The following DOCK8 variants were observed in gnomAD, a reference collection of about 807,000 sequenced individuals.
DOCK8 encodes dedicator of cytokinesis 8, also known as dedicator of cytokinesis protein 8.
DOCK8 carries 141 observed loss-of-function variants against 245.6 expected under a neutral mutation model. That is an observed-to-expected ratio of 0.57 (90% CI 0.50 to 0.66). The LOEUF (loss-of-function observed/expected upper bound fraction) is 0.66. DOCK8 is among the 30% of genes least tolerant of loss of function. The pLI is 0.00. For synonymous variants in DOCK8, 1,168 were observed against 970.2 expected, an observed-to-expected ratio of 1.20 and a Z score of -3.79; for missense variants, 2,965 against 2,603.4, an observed-to-expected ratio of 1.14 and a Z score of -3.02.
At chr9:221,047 A>G (rs778595013) in intron 1 of DOCK8, among the ~76,000 whole-genome samples, 1 of 152,142 alleles carries the variant, frequency 6.6e-6, no homozygotes. Flanking sequence ...TTGGCACAGT[A>G]GTGGTACCAT....
chr9:451,982 T>A (rs1186615073), intron 45 of DOCK8, 29 bp from the exon 46 acceptor site: 17 of 110,144 alleles, frequency 1.5e-4, no homozygotes, highest in African/African-American at 5.7e-4. Context: ...TATATATTTT[T>A]TTTTTTTTTT....
chr9:344,441 C>A (rs544187099), intron 14 of DOCK8, among the ~76,000 whole-genome samples: 1 of 152,194 alleles, frequency 6.6e-6, no homozygotes, highest in East Asian at 1.9e-4. Flanking sequence ...GTTACCCAGT[C>A]CCAGATGAGT....
At chr9:409,237 G>T (rs1292251119) in intron 28 of DOCK8, among the ~76,000 whole-genome samples, 1 of 152,156 alleles carries the variant, frequency 6.6e-6, no homozygotes, top group Non-Finnish European at 1.5e-5. Context: ...TTTCCACTGG[G>T]TTTCCCTTGG....
chr9:308,289 G>A (rs2049938572), intron 5 of DOCK8, among the ~76,000 whole-genome samples: 1 of 152,168 alleles, frequency 6.6e-6, no homozygotes, highest in African/African-American at 2.4e-5. Context: ...ATTGTACACA[G>A]GTATTGAGAT....
At chr9:296,021 T>G (rs1586626391) in intron 4 of DOCK8, among the ~76,000 whole-genome samples, 1 of 152,368 alleles carries the variant, frequency 6.6e-6, no homozygotes, top group African/African-American at 2.4e-5. Flanking sequence ...TGTATTTTCT[T>G]ACTTGAAATG....
chr9:397,604 C>T (rs2054524693), intron 25 of DOCK8, among the ~76,000 whole-genome samples: 2 of 145,100 alleles, frequency 1.4e-5, no homozygotes, highest in Non-Finnish European at 3.0e-5. Context: ...GTGGAAGAAT[C>T]GCTTGAGCCC....
At chr9:396,565 G>C (rs936351158) in intron 24 of DOCK8, among the ~76,000 whole-genome samples, 32 of 152,212 alleles carry the variant, frequency 2.1e-4, no homozygotes, top group Middle Eastern at 3.4e-3. Flanking sequence ...CTCTGACTTG[G>C]GGTCAAAAAG....
At chr9:214,589 C>T (rs1366825238), upstream of DOCK8, 31 of 1,614,064 alleles carry the variant, frequency 1.9e-5, no homozygotes, top group Non-Finnish European at 2.6e-5. Context: ...GGCAGCCTCG[C>T]AGCTTCGGGC....
At position 422,094 on chromosome 9, in the gene DOCK8, A is replaced by G; in HGVS notation, c.4200A>G (p.Lys1400=). 1 of 1,614,164 alleles carries G rather than the reference A, an allele frequency of 6.2e-7. No individual in the cohort carries two copies. Among genetic ancestry groups the G allele is most frequent in the Non-Finnish European group, 8.5e-7 (1 of 1,180,034 alleles). ...TAAATGAAAATTTGAGATGGAAGAA[A>G]GAGCAGACACATTGGCGGCAAGCTA... ...PGLNENLRWK[K]EQTHWRQANE... Residue 1400 remains lysine, a synonymous_variant, in exon 33 of 48, where the codon AAA becomes AAG. Coordinates refer to ENST00000432829, the MANE Select transcript of DOCK8 (RefSeq NM_203447.4).
At chr9:414,168 A>T (rs2055883487) in intron 28 of DOCK8, among the ~76,000 whole-genome samples, 1 of 152,182 alleles carries the variant, frequency 6.6e-6, no homozygotes, top group Non-Finnish European at 1.5e-5. Flanking sequence ...GTTACCATAC[A>T]AGCCAGCAAA....
rs137863631 is a variant in DOCK8, at chr9:295,271, C to T, written c.404+5690C>T. 1.6e-3 allele frequency among the ~76,000 whole-genome samples: 245 copies of T among 152,120 alleles called. 2 individuals are homozygous for T. The highest frequency in any genetic ancestry group is 5.2e-3 in the East Asian group (27 of 5,180). On this transcript the variant is annotated intron_variant, in intron 4 of 47. Coordinates refer to ENST00000432829, the MANE Select transcript of DOCK8 (RefSeq NM_203447.4). ...GGGATGGAAAACAGGTCCATGGTTC[C>T]CAGGGTCTGGGAGTGGGGAAGAGGG...
At position 250,636 on chromosome 9, in the gene DOCK8, G is replaced by C. The variant is rs774530604; in HGVS notation, c.54-20991G>C. Among the ~76,000 whole-genome samples the C allele has an allele frequency of 1.2e-4, 19 of 152,242 alleles. No homozygotes were observed. In the East Asian group the frequency reaches 1.4e-3, roughly 11 times the overall value. ...TTTATCATAGTACTATCATTTGGGA[G>C]TAAACAACATGTAAGGGGCCTACAC... On this transcript the variant is annotated intron_variant, in intron 1 of 47. Coordinates refer to ENST00000432829, the MANE Select transcript of DOCK8 (RefSeq NM_203447.4).
intron 22 of DOCK8, among the ~76,000 whole-genome samples, chr9:384,508 C>T (rs1224823440): frequency 1.3e-5 from 2 of 152,198 alleles, no homozygotes; most frequent in Non-Finnish European, 2.9e-5. Flanking sequence ...CCAATACTGC[C>T]CCGCTGTGTG....
chr9:312,676 A>T (rs1392927148), intron 6 of DOCK8: 1 of 342,448 alleles, frequency 2.9e-6, no homozygotes, highest in Non-Finnish European at 5.7e-6. Flanking sequence ...GAACTTTGGG[A>T]TCTTGATTGT....
intron 33 of DOCK8, among the ~76,000 whole-genome samples, chr9:426,331 G>C (rs1163295216): frequency 1.3e-5 from 2 of 152,172 alleles, no homozygotes; most frequent in African/African-American, 2.4e-5. Flanking sequence ...AAGGACGAAA[G>C]ACCCCACGCA....
At chr9:406,832 A>G in intron 27 of DOCK8, 98 bp from the exon 28 acceptor site, 1 of 1,545,060 alleles carries the variant, frequency 6.5e-7, no homozygotes, top group South Asian at 1.1e-5. Flanking sequence ...GGGAGGGCTC[A>G]CGAAGCCTGG....
At position 340,262 on chromosome 9, in the gene DOCK8, G is replaced by C; in HGVS notation, c.1620G>C (p.Pro540=). Residue 540 remains proline (P), a synonymous_variant, in exon 14 of 48, where the codon CCG becomes CCC. Transcript: ENST00000432829. ...VKPFPENRTR[P]HKEILEFPTR... The stretch of plus-strand genomic sequence containing the variant: ...CCTTTCCTGAAAACCGGACACGCCC[G>C]CACAAAGAGATTTTGGAATTTCCAA... 6.2e-7 allele frequency: 1 copy of C among 1,614,120 alleles called. No individual in the cohort carries two copies. Among genetic ancestry groups the C allele is most frequent in the Non-Finnish European group, 8.5e-7 (1 of 1,180,020 alleles).
chr9:215,363 G>T (rs756558595), intron 1 of DOCK8: 3 of 1,596,386 alleles, frequency 1.9e-6, no homozygotes, highest in Admixed American at 3.5e-5. Flanking sequence ...AGGCGCCTGG[G>T]TAACCGTGTT....
At chr9:212,914 G>A (rs1292486855), upstream of DOCK8, 1 of 152,164 alleles carries the variant, frequency 6.6e-6, no homozygotes, top group Non-Finnish European at 1.5e-5. Context: ...GAAATTCAGA[G>A]GAGTTCATCC....
Sources: allele counts gnomAD v4.1 joint callset (sites outside exome capture counted in the v4.1 genomes callset), GRCh38; gene constraint gnomAD v4.1.1; transcripts MANE v1.5; gene names NCBI Gene and HGNC (gene_info 2026-07-23, HGNC 2026-07-21).